Variants in QTGAL observed in about 807,000 individuals in gnomAD.
The protein encoded by QTGAL is BGnT-like protein 1.
chr17:82,944,849 C>A, the QTGAL span: 12 of 152,126 alleles, frequency 7.9e-5, no homozygotes, highest in African/African-American at 2.9e-4. Context: ...AGGCCCAGGG[C>A]CAGATCTAAT....
chr17:83,002,432 C>T, the QTGAL span, among the ~76,000 whole-genome samples: 1,844 of 152,316 alleles, frequency 0.012, 42 homozygotes, highest in African/African-American at 0.042. Context: ...CCTGAGTTCC[C>T]GTTTTAAGTA....
chr17:83,013,125 A>C, the QTGAL span, among the ~76,000 whole-genome samples: 1 of 152,160 alleles, frequency 6.6e-6, no homozygotes, highest in Admixed American at 6.5e-5. Context: ...GACCCTTTTA[A>C]GAATCTGCTA....
chr17:83,022,022 T>C, the QTGAL span, among the ~76,000 whole-genome samples: 1 of 152,070 alleles, frequency 6.6e-6, no homozygotes, highest in Non-Finnish European at 1.5e-5. Context: ...AGCCCCCATA[T>C]ACACCATCTT....
the QTGAL span, among the ~76,000 whole-genome samples, chr17:83,034,593 G>A: frequency 6.6e-6 from 1 of 152,172 alleles, no homozygotes; most frequent in Non-Finnish European, 1.5e-5. Flanking sequence ...GTTGGGCTGT[G>A]TCCCCGCCCA....
At chr17:83,020,401 G>C in the QTGAL span, among the ~76,000 whole-genome samples, 1 of 152,120 alleles carries the variant, frequency 6.6e-6, no homozygotes, top group Non-Finnish European at 1.5e-5. Context: ...TTCCAGGAAC[G>C]GACGAATAAG....
the QTGAL span, among the ~76,000 whole-genome samples, chr17:82,987,585 G>A: frequency 6.6e-6 from 1 of 152,212 alleles, no homozygotes; most frequent in Non-Finnish European, 1.5e-5. Flanking sequence ...GGTTGTATAT[G>A]TGTGGTTTTA....
chr17:83,015,636 G>C, the QTGAL span, among the ~76,000 whole-genome samples: 1 of 152,224 alleles, frequency 6.6e-6, no homozygotes, highest in Non-Finnish European at 1.5e-5. This position sits in a 1 kb window ranked among gnomAD's most constrained non-coding sequence, Gnocchi z 4.4. Context: ...GGGGAAGCGG[G>C]CTGGTGCCGC....
At chr17:82,991,296 CCCA>C in the QTGAL span, among the ~76,000 whole-genome samples, 2 of 152,130 alleles carry the variant, frequency 1.3e-5, no homozygotes, top group African/African-American at 4.8e-5. Flanking sequence ...TCCCATAATT[CCCA>C]CGTGTTGTGG....
the QTGAL span, among the ~76,000 whole-genome samples, chr17:82,983,837 T>C: frequency 6.6e-6 from 1 of 152,168 alleles, no homozygotes; most frequent in African/African-American, 2.4e-5. Context: ...TGTGACTGTA[T>C]TTGGAGATGG....
the QTGAL span, among the ~76,000 whole-genome samples, chr17:82,996,227 A>G: frequency 6.6e-6 from 1 of 152,216 alleles, no homozygotes; most frequent in East Asian, 1.9e-4. Flanking sequence ...ATTCTTCACA[A>G]AAACAGAAAA....
chr17:82,958,871 G>GTATAC, the QTGAL span, among the ~76,000 whole-genome samples: 24 of 86,404 alleles, frequency 2.8e-4, no homozygotes, highest in Non-Finnish European at 4.0e-4. Context: ...GTGTGTGTGT[G>GTATAC]TGTGTACACT....
the QTGAL span, among the ~76,000 whole-genome samples, chr17:82,954,008 A>C: frequency 6.6e-6 from 1 of 152,200 alleles, no homozygotes; most frequent in African/African-American, 2.4e-5. Context: ...TCAAAATAAT[A>C]GCTATTTATG....
At chr17:82,970,645 C>CGTGACCTCTGCACAT in the QTGAL span, among the ~76,000 whole-genome samples, 5 of 68,420 alleles carry the variant, frequency 7.3e-5, no homozygotes, top group African/African-American at 2.5e-4. Flanking sequence ...CCTCCGCACC[C>CGTGACCTCTGCACAT]GGTGTGGCCG....
the QTGAL span, among the ~76,000 whole-genome samples, chr17:83,016,679 G>T: frequency 6.9e-6 from 1 of 144,892 alleles, no homozygotes; most frequent in Non-Finnish European, 1.5e-5. Flanking sequence ...GGGAAGTGGG[G>T]GTTGGGGAGA....
the QTGAL span, among the ~76,000 whole-genome samples, chr17:83,039,787 C>T: frequency 6.6e-6 from 1 of 152,222 alleles, no homozygotes; most frequent in Non-Finnish European, 1.5e-5. Flanking sequence ...TGGCCCCACA[C>T]CCAAGTCTAC....
chr17:83,019,130 T>A, the QTGAL span, among the ~76,000 whole-genome samples: 1 of 152,008 alleles, frequency 6.6e-6, no homozygotes, highest in Non-Finnish European at 1.5e-5. Flanking sequence ...TGCCTCTGAG[T>A]CCACGTCCAG....
chr17:83,035,620 C>G, the QTGAL span, among the ~76,000 whole-genome samples: 1 of 152,212 alleles, frequency 6.6e-6, no homozygotes, highest in South Asian at 2.1e-4. Flanking sequence ...AACACAGAGT[C>G]CACTGGGTAC....
At chr17:82,947,271 A>C in the QTGAL span, 1 of 443,112 alleles carries the variant, frequency 2.3e-6, no homozygotes, top group African/African-American at 2.0e-5. Context: ...CTCGGAATGG[A>C]ATGAGACTAA....
the QTGAL span, among the ~76,000 whole-genome samples, chr17:82,990,539 T>C: frequency 3.9e-5 from 6 of 152,244 alleles, no homozygotes; most frequent in African/African-American, 9.6e-5. Flanking sequence ...ACAAACTTTA[T>C]TGGTAACAAC....
Sources: allele counts gnomAD v4.1 joint callset (sites outside exome capture counted in the v4.1 genomes callset), GRCh38; gene constraint gnomAD v4.1.1; non-coding constraint Gnocchi (gnomAD v3.1); transcripts MANE v1.5; gene names NCBI Gene and HGNC (gene_info 2026-07-23, HGNC 2026-07-21).